EYA1: variants seen among roughly 807,000 people sequenced by gnomAD.
The protein encoded by EYA1 is EYA transcriptional coactivator and phosphatase 1, also known as protein phosphatase EYA1.
A neutral mutation model predicts 82.0 loss-of-function variants in EYA1; 16 were observed. The ratio of observed to expected loss-of-function variants is 0.20; its 90% confidence interval spans 0.13 to 0.30. EYA1 has a LOEUF of 0.30. Among genes scored for constraint, EYA1 ranks in the 10% least tolerant of loss-of-function variants. The pLI is 1.00. For synonymous variants in EYA1, 261 were observed against 264.4 expected (o/e 0.99, Z 0.12); for missense variants, 633 against 730.7 (o/e 0.87, Z 1.54).
chr8:71,391,734 A>G (rs899299262), intron 2 of EYA1, among the ~76,000 whole-genome samples: 1 of 152,208 alleles, frequency 6.6e-6, no homozygotes, highest in Non-Finnish European at 1.5e-5. Flanking sequence ...GGACTTACCC[A>G]GGTGTGAACC....
At chr8:71,244,781 G>A in intron 11 of EYA1, 89 bp from the exon 12 acceptor site, 1 of 774,520 alleles carries the variant, frequency 1.3e-6, no homozygotes, top group Non-Finnish European at 2.2e-6. Flanking sequence ...GGCATTGGGA[G>A]AGGCTGAAAG....
intron 2 of EYA1, among the ~76,000 whole-genome samples, chr8:71,387,800 GC>G (rs1829049442): frequency 6.6e-6 from 1 of 152,134 alleles, no homozygotes; most frequent in African/African-American, 2.4e-5. Context: ...TAAAATGCAA[GC>G]TGGAGACATA....
chr8:71,435,138 C>A (rs1459573892), intron 2 of EYA1, among the ~76,000 whole-genome samples: 1 of 152,092 alleles, frequency 6.6e-6, no homozygotes, highest in Non-Finnish European at 1.5e-5. Context: ...TTCTGGGAAA[C>A]CTTCTTAGAT....
chr8:71,414,534 ATC>A (rs1178718350), intron 2 of EYA1, among the ~76,000 whole-genome samples: 3 of 152,218 alleles, frequency 2.0e-5, no homozygotes, highest in Non-Finnish European at 4.4e-5. Flanking sequence ...GCCTATAGAT[ATC>A]TGTCTCAGCA....
chr8:71,505,885 T>TCACCTCTA (rs1214993976), intron 2 of EYA1, among the ~76,000 whole-genome samples: 1 of 152,100 alleles, frequency 6.6e-6, no homozygotes, highest in African/African-American at 2.4e-5. Context: ...GGGAGGTGAT[T>TCACCTCTA]AGATAATGGG....
intron 2 of EYA1, among the ~76,000 whole-genome samples, chr8:71,499,841 G>T (rs887821926): frequency 6.6e-6 from 1 of 152,186 alleles, no homozygotes. Flanking sequence ...CCTTTTGGAT[G>T]GATCATTCTG....
chr8:71,243,076 C>G (rs1309426218), intron 12 of EYA1, among the ~76,000 whole-genome samples: 1 of 152,032 alleles, frequency 6.6e-6, no homozygotes, highest in Non-Finnish European at 1.5e-5. Flanking sequence ...CTGCGCCCAG[C>G]CAAGTTTTGG....
chr8:71,402,748 A>T (rs1419937134), intron 2 of EYA1, among the ~76,000 whole-genome samples: 1 of 152,198 alleles, frequency 6.6e-6, no homozygotes, highest in Non-Finnish European at 1.5e-5. Context: ...TGCTTTTGGC[A>T]TAGGAATATA....
chr8:71,379,158 T>C (rs2129098012), intron 2 of EYA1, among the ~76,000 whole-genome samples: 1 of 152,014 alleles, frequency 6.6e-6, no homozygotes, highest in South Asian at 2.1e-4. Context: ...AGGCCACAAA[T>C]GGATCACTCG....
intron 2 of EYA1, among the ~76,000 whole-genome samples, chr8:71,467,785 T>G (rs1200728829): frequency 6.6e-6 from 1 of 152,158 alleles, no homozygotes; most frequent in Non-Finnish European, 1.5e-5. Flanking sequence ...ATTAATAGGC[T>G]GATAATAATG....
intron 4 of EYA1, among the ~76,000 whole-genome samples, chr8:71,328,100 C>T (rs576878895): frequency 6.6e-6 from 1 of 152,170 alleles, no homozygotes; most frequent in South Asian, 2.1e-4. Flanking sequence ...GGTGATCTCT[C>T]TACCTTGGCC....
intron 12 of EYA1, among the ~76,000 whole-genome samples, chr8:71,229,614 G>A (rs2128878605): frequency 6.6e-6 from 1 of 152,220 alleles, no homozygotes; most frequent in Non-Finnish European, 1.5e-5. Context: ...TAATGTTAGT[G>A]CATTTTGTCA....
rs28800884 is a variant in EYA1 at position 71,396,811 on chromosome 8, G to A, written c.34-40300C>T. On this transcript the variant is annotated intron_variant, in intron 2 of 18. Coordinates refer to the EYA1 transcript ENST00000643681. The stretch of plus-strand genomic sequence containing the variant: ...TGTAGATGTCTGCTAGGTCATCTTG[G>A]TGCAGAGCTGAGTTCAATTCCTGGA... 9.5e-3 allele frequency among the ~76,000 whole-genome samples: 1,454 copies of A among 152,292 alleles called. 28 individuals carry two copies. Among genetic ancestry groups the A allele is most frequent in the African/African-American group, 0.033 (1,387 of 41,554 alleles).
intron 2 of EYA1, among the ~76,000 whole-genome samples, chr8:71,520,332 C>G (rs1813301084): frequency 6.6e-6 from 1 of 152,092 alleles, no homozygotes; most frequent in Non-Finnish European, 1.5e-5. Flanking sequence ...GGAGGCTTAT[C>G]CTTAAGGAAG....
At chr8:71,382,289 C>T (rs190641541) in intron 2 of EYA1, among the ~76,000 whole-genome samples, 8 of 152,162 alleles carry the variant, frequency 5.3e-5, no homozygotes, top group South Asian at 2.1e-4. Context: ...TAACAAATTA[C>T]TATGTAGAAT....
At chr8:71,241,214 TG>T (rs1812448760) in intron 12 of EYA1, among the ~76,000 whole-genome samples, 1 of 152,336 alleles carries the variant, frequency 6.6e-6, no homozygotes, top group African/African-American at 2.4e-5. Context: ...TTCTCCTTTT[TG>T]TTTTTCCTGG....
At chr8:71,472,185 G>T (rs747346314) in intron 2 of EYA1, among the ~76,000 whole-genome samples, 30 of 152,044 alleles carry the variant, frequency 2.0e-4, no homozygotes, top group Non-Finnish European at 3.8e-4. Flanking sequence ...TTACAGCTTG[G>T]TTTCTTTTTT....
At chr8:71,282,683 ACG>A (rs1190062415) in intron 9 of EYA1, among the ~76,000 whole-genome samples, 1 of 152,114 alleles carries the variant, frequency 6.6e-6, no homozygotes, top group East Asian at 1.9e-4. Flanking sequence ...CAGCTGGCTA[ACG>A]TGGGAAGGCC....
At chr8:71,320,421 A>G (rs1034225972) in intron 6 of EYA1, among the ~76,000 whole-genome samples, 2 of 152,236 alleles carry the variant, frequency 1.3e-5, no homozygotes, top group Non-Finnish European at 2.9e-5. Context: ...CTTCTATTAT[A>G]GAATGGGAGC....
Sources: allele counts gnomAD v4.1 joint callset (sites outside exome capture counted in the v4.1 genomes callset), GRCh38; gene constraint gnomAD v4.1.1; transcripts MANE v1.5; gene names NCBI Gene and HGNC (gene_info 2026-07-23, HGNC 2026-07-21).